Variants in BEND4 observed in about 807,000 individuals in gnomAD.
The protein encoded by BEND4 is BEN domain containing 4.
Under a neutral mutation model 54.7 loss-of-function variants are expected in BEND4, and 27 were observed. The observed-to-expected ratio is 0.49, with a 90% confidence interval of 0.36 to 0.68. The LOEUF is 0.68. Among genes scored for constraint, BEND4 ranks in the 30% least tolerant of loss-of-function variants. The pLI, the probability that BEND4 is intolerant of heterozygous loss-of-function variation, is 0.00. For missense variants in BEND4, 702 were observed against 697.2 expected (o/e 1.01, Z -0.08); for synonymous variants, 327 against 299.5 (o/e 1.09, Z -0.95).
chr4:42,140,017 G>A (rs1402818052), intron 3 of BEND4, among the ~76,000 whole-genome samples: 3 of 152,188 alleles, frequency 2.0e-5, no homozygotes, highest in Non-Finnish European at 4.4e-5. Flanking sequence ...AGCTAATCAA[G>A]TAAAAAGTGG....
intron 3 of BEND4, among the ~76,000 whole-genome samples, chr4:42,138,232 T>C (rs752212484): frequency 4.6e-5 from 7 of 152,198 alleles, no homozygotes; most frequent in Non-Finnish European, 8.8e-5. Flanking sequence ...TATTATTGGA[T>C]AGAGTATTAT....
intron 4 of BEND4, among the ~76,000 whole-genome samples, chr4:42,123,479 C>G (rs1367570088): frequency 6.6e-6 from 1 of 151,614 alleles, no homozygotes; most frequent in Non-Finnish European, 1.5e-5. Flanking sequence ...CACAGGTGTA[C>G]ATTTACTATT....
chr4:42,121,381 C>T (rs1003798980), intron 4 of BEND4, among the ~76,000 whole-genome samples: 4 of 152,190 alleles, frequency 2.6e-5, no homozygotes, highest in African/African-American at 7.2e-5. Context: ...TCATACTCTC[C>T]TCAACAAGCA....
At chr4:42,119,259 T>C (rs1025032942) in intron 5 of BEND4, among the ~76,000 whole-genome samples, 1 of 152,160 alleles carries the variant, frequency 6.6e-6, no homozygotes, top group African/African-American at 2.4e-5. Context: ...TATCCCTATT[T>C]CAGTAAATCA....
rs1432913528 is a variant in BEND4 at position 42,115,755 on chromosome 4, CG to C, written c.*1762del. 1 of 152,146 alleles carries C rather than the reference CG, an allele frequency of 6.6e-6. No individual in the cohort carries two copies. Among genetic ancestry groups the C allele is most frequent in the Non-Finnish European group, 1.5e-5 (1 of 68,034 alleles). The allele number at this position is 152,146 out of a possible 1,614,324, so 9.4% of individuals were successfully genotyped here. On this transcript the variant is annotated 3_prime_UTR_variant, in exon 6 of 6. Coordinates refer to ENST00000502486, the MANE Select transcript of BEND4 (RefSeq NM_207406.4). ...CCAAAGAGACTGGTCTCATGGCTGC[CG>C]TAAGAACATGGCATTTGCCCATATC...
In BEND4 at chr4:42,113,869, G is replaced by A. The variant is rs1719684838; in HGVS notation, c.*3649C>T. ...AAGGAGATAACAATTTTCTGCAAATGCTCTAATATTATCCTTACATTCCTA... is the reference window on the plus strand; with the variant it reads ...AAGGAGATAACAATTTTCTGCAAATACTCTAATATTATCCTTACATTCCTA... On this transcript the variant is annotated 3_prime_UTR_variant, in exon 6 of 6. Transcript: ENST00000502486. The A allele has an allele frequency of 6.6e-6, 1 of 152,126 alleles. No individual in the cohort carries two copies. Among genetic ancestry groups the A allele is most frequent in the African/African-American group, 2.4e-5 (1 of 41,422 alleles). 9.4% of individuals were successfully genotyped at this position (152,126 alleles called of 1,614,324 possible).
intron 3 of BEND4, among the ~76,000 whole-genome samples, chr4:42,141,581 T>TA (rs1040081723): frequency 3.3e-5 from 5 of 149,400 alleles, no homozygotes; most frequent in South Asian, 4.3e-4. Context: ...AAAATACAAT[T>TA]AAAAAAAAAA....
intron 3 of BEND4, among the ~76,000 whole-genome samples, chr4:42,137,425 G>T (rs1355281240): frequency 6.6e-6 from 1 of 152,176 alleles, no homozygotes; most frequent in Non-Finnish European, 1.5e-5. Context: ...GGAAGACAAA[G>T]AACACAGGGG....
intron 4 of BEND4, among the ~76,000 whole-genome samples, chr4:42,124,206 A>C (rs1021182485): frequency 4.6e-5 from 7 of 152,194 alleles, no homozygotes; most frequent in African/African-American, 1.7e-4. Context: ...ACTAAAAGTT[A>C]GCTGGGCGTG....
intron 5 of BEND4, 22 bp from the exon 6 acceptor site, chr4:42,117,757 C>CA: frequency 6.7e-7 from 1 of 1,500,482 alleles, no homozygotes; most frequent in Non-Finnish European, 9.1e-7. Context: ...TATACAACAT[C>CA]AAAAAGAGAG....
rs1194616974 is a variant in BEND4 at position 42,117,079 on chromosome 4, T to C, written c.*439A>G. ...TATGAAGTCAAGTCTTTGGAAAACA[T>C]AAAGACAACTTATTTGAATTAAGAG... is the stretch of plus-strand genomic sequence containing the variant. On this transcript the variant is annotated 3_prime_UTR_variant, in exon 6 of 6. Coordinates refer to ENST00000502486, the MANE Select transcript of BEND4 (RefSeq NM_207406.4). 1 of 154,990 alleles carries C rather than the reference T, an allele frequency of 6.5e-6. No individual in the cohort carries two copies. The highest frequency in any genetic ancestry group is 2.4e-5 in the African/African-American group (1 of 41,486). 9.6% of individuals were successfully genotyped at this position (154,990 alleles called of 1,614,324 possible). A position where few individuals can be genotyped will look rare whatever the true frequency, so the allele number is the denominator to read the frequency against.
intron 2 of BEND4, among the ~76,000 whole-genome samples, chr4:42,146,913 T>C (rs1721099517): frequency 6.6e-6 from 1 of 152,088 alleles, no homozygotes; most frequent in Admixed American, 6.5e-5. Flanking sequence ...CACATTAGAG[T>C]ATAGATTTTA....
intron 2 of BEND4, among the ~76,000 whole-genome samples, chr4:42,145,385 C>T (rs1333588458): frequency 6.6e-6 from 1 of 152,068 alleles, no homozygotes; most frequent in Non-Finnish European, 1.5e-5. Flanking sequence ...TCTTTTCCAA[C>T]TTTTTAATAA....
At chr4:42,127,212 C>G (rs1454012098) in intron 3 of BEND4, among the ~76,000 whole-genome samples, 1 of 152,142 alleles carries the variant, frequency 6.6e-6, no homozygotes, top group Admixed American at 6.5e-5. Flanking sequence ...ATTTGAATAA[C>G]AGGAAGTAGG....
At chr4:42,126,680 A>T (rs1158124791) in intron 3 of BEND4, among the ~76,000 whole-genome samples, 1 of 152,206 alleles carries the variant, frequency 6.6e-6, no homozygotes, top group Non-Finnish European at 1.5e-5. Context: ...TTTACATTAC[A>T]GTCCTTTCAG....
chr4:42,136,592 G>A (rs1452089002), intron 3 of BEND4, among the ~76,000 whole-genome samples: 1 of 152,222 alleles, frequency 6.6e-6, no homozygotes, highest in African/African-American at 2.4e-5. Flanking sequence ...CTTAACAACG[G>A]GATGCTTTGC....
chr4:42,145,952 T>C (rs1041777878), intron 2 of BEND4, among the ~76,000 whole-genome samples: 1 of 152,178 alleles, frequency 6.6e-6, no homozygotes, highest in African/African-American at 2.4e-5. Flanking sequence ...TATAGCATTT[T>C]CAGATTTACT....
At chr4:42,143,324 T>TA (rs1720954244) in intron 3 of BEND4, 104 bp downstream of exon 3, 1 of 1,056,620 alleles carries the variant, frequency 9.5e-7, no homozygotes. Context: ...AGCCCACACA[T>TA]ACATATACAC....
chr4:42,149,095 G>A (rs35002082), intron 2 of BEND4, among the ~76,000 whole-genome samples: 32,135 of 151,904 alleles, frequency 0.21, 3,564 homozygotes, highest in African/African-American at 0.28. Context: ...GACTCATTTC[G>A]TAACATGAAT....
Sources: gnomAD v4.1 joint callset for allele counts (sites outside exome capture counted in the v4.1 genomes callset) on GRCh38, gnomAD v4.1.1 for gene constraint, MANE v1.5 for transcripts, NCBI Gene and HGNC (gene_info 2026-07-23, HGNC 2026-07-21) for gene names.